Variants in LOC400499 observed in about 807,000 individuals in gnomAD.
At chr16:11,418,080 G>T in the LOC400499 span, among the ~76,000 whole-genome samples, 2 of 152,220 alleles carry the variant, frequency 1.3e-5, no homozygotes, top group Non-Finnish European at 2.9e-5. Flanking sequence ...AAGTGGGGCA[G>T]GCAGGGGAGA....
At chr16:11,436,894 T>C in the LOC400499 span, among the ~76,000 whole-genome samples, 1 of 152,028 alleles carries the variant, frequency 6.6e-6, no homozygotes, top group African/African-American at 2.4e-5. Context: ...ATGCCTGGCC[T>C]GGAAAGGTTT....
At chr16:11,391,424 T>G in the LOC400499 span, among the ~76,000 whole-genome samples, 1 of 152,152 alleles carries the variant, frequency 6.6e-6, no homozygotes, top group South Asian at 2.1e-4. Flanking sequence ...GCAGCAGGCA[T>G]AAGGGAGATG....
the LOC400499 span, among the ~76,000 whole-genome samples, chr16:11,481,875 T>C: frequency 6.6e-6 from 1 of 152,164 alleles, no homozygotes; most frequent in Non-Finnish European, 1.5e-5. Flanking sequence ...GCTCAAGTTA[T>C]CCACCTACCT....
At chr16:11,414,876 C>A in the LOC400499 span, among the ~76,000 whole-genome samples, 1 of 152,198 alleles carries the variant, frequency 6.6e-6, no homozygotes, top group Admixed American at 6.5e-5. Flanking sequence ...TCCAGCACAA[C>A]CTGAAATGAC....
the LOC400499 span, among the ~76,000 whole-genome samples, chr16:11,465,701 G>T: frequency 6.4e-4 from 97 of 151,998 alleles, no homozygotes; most frequent in Middle Eastern, 3.4e-3. Context: ...TGAGCCCAGG[G>T]GTTTGAGGCT....
the LOC400499 span, among the ~76,000 whole-genome samples, chr16:11,402,973 G>C: frequency 6.6e-6 from 1 of 151,950 alleles, no homozygotes; most frequent in Non-Finnish European, 1.5e-5. Flanking sequence ...CTTCCATCTT[G>C]GATGTGACAG....
chr16:11,477,063 C>A, the LOC400499 span: 1 of 399,742 alleles, frequency 2.5e-6, no homozygotes. Context: ...ACCACTGCCA[C>A]CACTGCCACC....
the LOC400499 span, among the ~76,000 whole-genome samples, chr16:11,406,155 C>T: frequency 1.3e-5 from 2 of 152,192 alleles, no homozygotes; most frequent in African/African-American, 4.8e-5. Context: ...AATTTTCCAA[C>T]CCTTGGCTCC....
the LOC400499 span, among the ~76,000 whole-genome samples, chr16:11,439,933 T>G: frequency 6.6e-6 from 1 of 152,114 alleles, no homozygotes; most frequent in South Asian, 2.1e-4. Flanking sequence ...CATTTAATCC[T>G]CAGCAGTGCT....
chr16:11,462,868 C>T, the LOC400499 span, among the ~76,000 whole-genome samples: 4 of 152,200 alleles, frequency 2.6e-5, no homozygotes, highest in African/African-American at 4.8e-5. Context: ...CCCTATGGAA[C>T]GCGTCTAGAA....
chr16:11,441,233 G>C, the LOC400499 span, among the ~76,000 whole-genome samples: 4 of 152,200 alleles, frequency 2.6e-5, no homozygotes, highest in African/African-American at 7.2e-5. Context: ...GGCAGGAAGC[G>C]GGGATGGGTA....
At chr16:11,525,081 C>A in the LOC400499 span, among the ~76,000 whole-genome samples, 1 of 151,754 alleles carries the variant, frequency 6.6e-6, no homozygotes, top group African/African-American at 2.4e-5. Context: ...CTCAGGAGTT[C>A]GAGACCAGCC....
chr16:11,475,229 A>G, the LOC400499 span, among the ~76,000 whole-genome samples: 1 of 152,152 alleles, frequency 6.6e-6, no homozygotes, highest in Non-Finnish European at 1.5e-5. Flanking sequence ...CTTGTAACCT[A>G]GATGACAGGT....
At chr16:11,525,845 T>C in the LOC400499 span, among the ~76,000 whole-genome samples, 1 of 152,250 alleles carries the variant, frequency 6.6e-6, no homozygotes, top group Non-Finnish European at 1.5e-5. Context: ...ATGAAGTTCA[T>C]GTCATGATAA....
chr16:11,391,006 C>T, the LOC400499 span, among the ~76,000 whole-genome samples: 1,002 of 152,376 alleles, frequency 6.6e-3, 12 homozygotes, highest in African/African-American at 0.023. Flanking sequence ...TGTGCTGACA[C>T]TCCTGCATCC....
the LOC400499 span, chr16:11,435,746 C>A: frequency 1.0e-5 from 4 of 399,432 alleles, no homozygotes; most frequent in Non-Finnish European, 1.8e-5. Flanking sequence ...GACACTCACA[C>A]CCCAGCCCCG....
the LOC400499 span, among the ~76,000 whole-genome samples, chr16:11,395,807 G>C: frequency 2.0e-5 from 3 of 152,150 alleles, no homozygotes; most frequent in South Asian, 2.1e-4. Flanking sequence ...GAGAGCACCT[G>C]CTACGTCACG....
At chr16:11,457,126 GC>G in the LOC400499 span, 5 of 1,301,054 alleles carry the variant, frequency 3.8e-6, no homozygotes, top group African/African-American at 1.5e-5. Flanking sequence ...GCAGCAGCGA[GC>G]CAAGATTGCA....
At chr16:11,525,770 G>A in the LOC400499 span, among the ~76,000 whole-genome samples, 2 of 152,130 alleles carry the variant, frequency 1.3e-5, no homozygotes, top group African/African-American at 4.8e-5. Context: ...CTTGAATTAA[G>A]CCTGTACCCC....
Sources: allele counts gnomAD v4.1 joint callset (sites outside exome capture counted in the v4.1 genomes callset), GRCh38; gene constraint gnomAD v4.1.1; transcripts MANE v1.5.